Variants in TTLL8 observed in about 807,000 individuals in gnomAD.
TTLL8 encodes tubulin tyrosine ligase like 8, also known as protein monoglycylase TTLL8.
Under a neutral mutation model 77.8 loss-of-function variants are expected in TTLL8, and 65 were observed. The observed-to-expected ratio is 0.84, with a 90% CI of 0.68 to 1.03. TTLL8 has a LOEUF of 1.03. TTLL8 is among the 50% of genes least tolerant of loss of function. The pLI is 0.00. For synonymous variants in TTLL8, 402 were observed against 422.8 expected, an observed-to-expected ratio of 0.95 and a Z score of 0.60; for missense variants, 910 against 1,004.5, an observed-to-expected ratio of 0.91 and a Z score of 1.27.
Position 50,041,240 on chromosome 22 carries a change from T to C in TTLL8, c.868A>G (p.Lys290Glu), listed in dbSNP as rs371854207. The C allele has an allele frequency of 3.3e-5, 16 of 486,642 alleles. No individual in the cohort carries two copies. The highest frequency in any genetic ancestry group is 6.2e-5 in the Non-Finnish European group (15 of 243,698). 30.1% of individuals were successfully genotyped at this position (486,642 alleles called of 1,614,324 possible). Reference sequence around the variant, plus strand: ...AATGACATCATAACCTTCTGGATTTTGAAGATGCACAAGACAATGCTACTC... The same window carrying C: ...AATGACATCATAACCTTCTGGATTTCGAAGATGCACAAGACAATGCTACTC... The change falls in exon 8 of 14, where the codon AAA becomes GAA. Residue 290 changes from lysine (K) to glutamate (E), a missense_variant. By Grantham distance (56) the Lys-to-Glu change is moderately conservative. Around this residue, in one of 2 missense-constraint regions of TTLL8, gnomAD observed 776 missense variants for 926.1 expected, o/e 0.84. Transcript: ENST00000266182. The surrounding 1 kb of genome is among the most constrained non-coding windows in gnomAD (Gnocchi z 4.3).
intron 8 of TTLL8, among the ~76,000 whole-genome samples, chr22:50,040,566 T>C (rs2061364493): frequency 6.6e-6 from 1 of 152,244 alleles, no homozygotes. Flanking sequence ...AAACGTTTTG[T>C]GTCTCAAGTG....
At chr22:50,046,646 C>T (rs1014231848) in intron 4 of TTLL8, among the ~76,000 whole-genome samples, 1 of 152,230 alleles carries the variant, frequency 6.6e-6, no homozygotes. Context: ...GAGGCAGCCG[C>T]ACCTGGCCTG....
intron 12 of TTLL8, chr22:50,027,592 C>T (rs1036320878): frequency 5.1e-6 from 5 of 974,300 alleles, no homozygotes; most frequent in Non-Finnish European, 6.1e-6. Context: ...TCAAGGTGAT[C>T]CCAGTCAAAG....
At chr22:50,040,110 A>G (rs200237134) in intron 8 of TTLL8, among the ~76,000 whole-genome samples, 2 of 151,262 alleles carry the variant, frequency 1.3e-5, no homozygotes, top group Non-Finnish European at 2.9e-5. Flanking sequence ...CACGTGTGCC[A>G]GCGTGGACGG....
chr22:50,021,646 T>C lies in TTLL8; in HGVS notation c.2204-5084A>G, dbSNP rs1171587803. On this transcript the variant is annotated intron_variant, in intron 12 of 13. Transcript: ENST00000266182. ...ATCTGACATGCACTCCTCCATCTGA[T>C]GATGTGCACTCCTCCATCTGACGAC... is the stretch of plus-strand genomic sequence containing the variant. 3.8e-4 allele frequency among the ~76,000 whole-genome samples: 50 copies of C among 132,044 alleles called. 2 individuals carry two copies. Among genetic ancestry groups the C allele is most frequent in the African/African-American group, 1.2e-3 (42 of 34,280 alleles). 86.6% of individuals were successfully genotyped at this position (132,044 alleles called of 152,430 possible).
chr22:50,049,176 G>T lies in TTLL8; in HGVS notation c.264+73C>A, dbSNP rs1030683164. 9 of 1,360,500 alleles carry T rather than the reference G, an allele frequency of 6.6e-6. No homozygotes were observed. In the African/African-American group the frequency reaches 1.3e-4, roughly 20 times the overall value. 84.3% of individuals were successfully genotyped at this position (1,360,500 alleles called of 1,614,324 possible). A position where few individuals can be genotyped will look rare whatever the true frequency, so the allele number is the denominator to read the frequency against. On this transcript the variant is annotated intron_variant, in intron 3 of 13. Transcript: ENST00000266182. ...ATCCCCCCAGGACATGGGAGAGTGG[G>T]CACGGAGCAGGGCGACGGTGTGAGA...
chr22:50,021,945 CATCT>C (rs1168932298), intron 12 of TTLL8, among the ~76,000 whole-genome samples: 2 of 146,180 alleles, frequency 1.4e-5, no homozygotes, highest in African/African-American at 2.5e-5. Flanking sequence ...TGCAGTCCTC[CATCT>C]GACGTGCACT....
At chr22:50,054,362 C>T (rs1186093150) in intron 1 of TTLL8, among the ~76,000 whole-genome samples, 2 of 152,156 alleles carry the variant, frequency 1.3e-5, no homozygotes, top group Non-Finnish European at 2.9e-5. Flanking sequence ...AGGTCTCCTC[C>T]CTCCCCAAGG....
At chr22:50,049,428 A>C in intron 2 of TTLL8, 106 bp from the exon 5 acceptor site, 1 of 1,244,424 alleles carries the variant, frequency 8.0e-7, no homozygotes, top group Admixed American at 2.0e-5. Context: ...TACTTCCAGA[A>C]ACCTGGCTCC....
At chr22:50,047,224 G>A (rs1399719832) in exon 4 of TTLL8, 2 of 1,367,556 alleles carry the variant, frequency 1.5e-6, no homozygotes, top group East Asian at 4.5e-5. Context: ...TCGTAGGTCA[G>A]GCTGTGATAG....
At chr22:50,054,164 G>C (rs2061459021) in intron 1 of TTLL8, among the ~76,000 whole-genome samples, 1 of 152,212 alleles carries the variant, frequency 6.6e-6, no homozygotes, top group African/African-American at 2.4e-5. Flanking sequence ...CCAGCTGGAT[G>C]ACTTGGGGTT....
At chr22:50,022,172 CATCT>C (rs1290583344) in intron 12 of TTLL8, among the ~76,000 whole-genome samples, 2 of 151,348 alleles carry the variant, frequency 1.3e-5, no homozygotes, top group African/African-American at 4.9e-5. Flanking sequence ...TGCACTCCTC[CATCT>C]GATGATGTGC....
chr22:50,057,048 GC>G, upstream of TTLL8: 1 of 1,097,096 alleles, frequency 9.1e-7, no homozygotes, highest in Non-Finnish European at 1.2e-6. Flanking sequence ...GGGTTCTGAG[GC>G]CCAAGCTGAG....
chr22:50,023,781 G>T (rs1042265226), intron 12 of TTLL8, among the ~76,000 whole-genome samples: 1 of 152,136 alleles, frequency 6.6e-6, no homozygotes, highest in Admixed American at 6.5e-5. Context: ...GGCACTTTGG[G>T]AGGCCGAGGT....
At chr22:50,030,500 G>C in exon 12 of TTLL8, 1 of 1,344,256 alleles carries the variant, frequency 7.4e-7, no homozygotes, top group South Asian at 1.2e-5. Context: ...GCTCCAGCGG[G>C]TGCGCATTTA....
Position 50,041,286 on chromosome 22 carries a change from G to T in TTLL8, c.831-9C>A, listed in dbSNP as rs745643308. 3.9e-6 allele frequency: 2 copies of T among 507,146 alleles called. No individual in the cohort carries two copies. The highest frequency in any genetic ancestry group is 2.3e-5 in the Admixed American group (1 of 43,486). The allele number at this position is 507,146 out of a possible 1,614,324, so 31.4% of individuals were successfully genotyped here. A position where few individuals can be genotyped will look rare whatever the true frequency, so the allele number is the denominator to read the frequency against. On this transcript the variant is annotated splice_polypyrimidine_tract_variant and intron_variant, in intron 7 of 13. Transcript: ENST00000266182. This position sits in a 1 kb window ranked among gnomAD's most constrained non-coding sequence, Gnocchi z 4.3. The stretch of plus-strand genomic sequence containing the variant: ...TACTCCCCAAAGGCACCCTGAGGGG[G>T]TATCATCCTCTCAACAGTCATCAGG...
At chr22:50,050,305 T>C in intron 1 of TTLL8, 58 bp from the exon 4 acceptor site, 1 of 1,262,556 alleles carries the variant, frequency 7.9e-7, no homozygotes, top group South Asian at 1.3e-5. Flanking sequence ...AATAGGCAGA[T>C]TTTGGTTGCA....
At chr22:50,037,152 C>T (rs535027760) in intron 8 of TTLL8, among the ~76,000 whole-genome samples, 1 of 152,180 alleles carries the variant, frequency 6.6e-6, no homozygotes, top group South Asian at 2.1e-4. Flanking sequence ...CTCCCCTAGC[C>T]GTGTGCTAGA....
chr22:50,051,283 G>A (rs980386323), intron 1 of TTLL8, among the ~76,000 whole-genome samples: 3 of 152,202 alleles, frequency 2.0e-5, no homozygotes, highest in Non-Finnish European at 2.9e-5. Flanking sequence ...GAGAACAAGC[G>A]ATATTTGGTT....
Sources: gnomAD v4.1 joint callset for allele counts (sites outside exome capture counted in the v4.1 genomes callset) on GRCh38, gnomAD v4.1.1 for gene constraint, gnomAD v4.1.1 regional missense constraint, Gnocchi (gnomAD v3.1) non-coding constraint, MANE v1.5 for transcripts, NCBI Gene and HGNC (gene_info 2026-07-23, HGNC 2026-07-21) for gene names.